Variants in GALNTL6 observed in about 807,000 individuals in gnomAD.
The protein encoded by GALNTL6 is polypeptide N-acetylgalactosaminyltransferase-like 6.
Under a neutral mutation model 73.7 loss-of-function variants are expected in GALNTL6, and 46 were observed. The observed-to-expected ratio is 0.62, with a 90% confidence interval of 0.49 to 0.80. GALNTL6 has a LOEUF of 0.80. GALNTL6 is among the 30% of genes least tolerant of loss of function. The probability of loss-of-function intolerance (pLI) is 0.00; values close to 1 mark genes in which losing one functional copy is unlikely to be tolerated. For synonymous variants in GALNTL6, 259 were observed against 263.7 expected (o/e 0.98, Z 0.17); for missense variants, 604 against 755.0 (o/e 0.80, Z 2.34).
chr4:171,965,419 A>G (rs4692908), intron 2 of GALNTL6, among the ~76,000 whole-genome samples: 65,271 of 151,868 alleles, frequency 0.43, 16,798 homozygotes, highest in Non-Finnish European at 0.57. Context: ...CACTTTGGGA[A>G]ACCGAGGCGG....
chr4:172,581,025 G>A (rs574890876), intron 5 of GALNTL6, among the ~76,000 whole-genome samples: 1 of 152,186 alleles, frequency 6.6e-6, no homozygotes, highest in South Asian at 2.1e-4. Context: ...GCCTCCCAAA[G>A]TGCTGGGATT....
At chr4:172,430,116 C>T (rs747141766) in intron 5 of GALNTL6, among the ~76,000 whole-genome samples, 41 of 150,918 alleles carry the variant, frequency 2.7e-4, no homozygotes, top group African/African-American at 3.9e-4. Flanking sequence ...TGAAGTGAAA[C>T]GGAGAGAAAA....
intron 5 of GALNTL6, among the ~76,000 whole-genome samples, chr4:172,723,916 TG>T (rs1735644524): frequency 2.6e-5 from 4 of 152,274 alleles, no homozygotes; most frequent in Non-Finnish European, 4.4e-5. Context: ...TTCACTGATA[TG>T]ATATATCAGT....
chr4:173,006,989 G>A (rs548004829), intron 10 of GALNTL6, among the ~76,000 whole-genome samples: 15 of 152,258 alleles, frequency 9.9e-5, no homozygotes, highest in African/African-American at 3.1e-4. Flanking sequence ...CCCAGCAGTA[G>A]CAGATGAAGC....
chr4:172,663,911 C>A (rs1393538817), intron 5 of GALNTL6, among the ~76,000 whole-genome samples: 11 of 141,342 alleles, frequency 7.8e-5, no homozygotes, highest in African/African-American at 2.9e-4. Context: ...GCCTGGGTGA[C>A]AAAGTGAGAC....
chr4:172,318,448 A>G (rs1740640632), intron 4 of GALNTL6, among the ~76,000 whole-genome samples: 1 of 152,168 alleles, frequency 6.6e-6, no homozygotes, highest in Admixed American at 6.5e-5. Flanking sequence ...CATGCCTGTA[A>G]TCCCAGGACT....
At chr4:171,964,829 C>G (rs1338003017) in intron 2 of GALNTL6, among the ~76,000 whole-genome samples, 3 of 152,140 alleles carry the variant, frequency 2.0e-5, no homozygotes, top group African/African-American at 7.2e-5. Flanking sequence ...CTTCCTTGCC[C>G]AACACCATTC....
At chr4:171,834,926 A>C (rs575024267) in intron 2 of GALNTL6, among the ~76,000 whole-genome samples, 1 of 151,998 alleles carries the variant, frequency 6.6e-6, no homozygotes, top group Admixed American at 6.6e-5. Flanking sequence ...AGAACCTTGT[A>C]GAGATAACAT....
At chr4:171,982,541 G>A (rs1739935871) in intron 2 of GALNTL6, among the ~76,000 whole-genome samples, 1 of 151,744 alleles carries the variant, frequency 6.6e-6, no homozygotes, top group Admixed American at 6.6e-5. Flanking sequence ...CTCGTGATTC[G>A]CCCGCCTCAG....
chr4:172,913,411 G>A (rs945069851), intron 8 of GALNTL6, among the ~76,000 whole-genome samples: 3 of 152,216 alleles, frequency 2.0e-5, no homozygotes, highest in African/African-American at 7.2e-5. Context: ...GACAGAAGTA[G>A]GCTTCAGAAG....
intron 5 of GALNTL6, among the ~76,000 whole-genome samples, chr4:172,582,282 T>C (rs1260003528): frequency 1.3e-5 from 2 of 152,246 alleles, no homozygotes; most frequent in Admixed American, 6.5e-5. Context: ...TTAATAACTA[T>C]GTGGCCTTGG....
intron 2 of GALNTL6, among the ~76,000 whole-genome samples, chr4:171,840,413 C>T (rs1735208486): frequency 6.7e-6 from 1 of 149,416 alleles, no homozygotes; most frequent in South Asian, 2.1e-4. Flanking sequence ...ACTTGTGTTA[C>T]TCGGAATCCC....
rs113539572 is a variant in GALNTL6, at chr4:172,302,072, G to A, written c.248-9542G>A. Among the ~76,000 whole-genome samples the A allele has an allele frequency of 6.6e-3, 998 of 152,316 alleles. 10 individuals are homozygous for A. Among genetic ancestry groups the A allele is most frequent in the African/African-American group, 0.018 (729 of 41,564 alleles). ...CCTACTCAAGGCTCAGCAATGGCGG[G>A]CACCCCTTCCCCAGCCTCGCTGCTG... On this transcript the variant is annotated intron_variant, in intron 3 of 12. Transcript: ENST00000506823.
chr4:172,866,746 C>A (rs769647232), intron 7 of GALNTL6, among the ~76,000 whole-genome samples: 5 of 152,172 alleles, frequency 3.3e-5, no homozygotes, highest in Non-Finnish European at 5.9e-5. Context: ...GTCTGAATTG[C>A]CCTGCCTTTT....
At chr4:172,372,300 G>A (rs957924998) in intron 5 of GALNTL6, among the ~76,000 whole-genome samples, 1 of 152,144 alleles carries the variant, frequency 6.6e-6, no homozygotes, top group African/African-American at 2.4e-5. Flanking sequence ...TGGCAGGGTT[G>A]AGGGCCACGC....
chr4:172,398,208 T>C (rs1386627492), intron 5 of GALNTL6, among the ~76,000 whole-genome samples: 1 of 152,160 alleles, frequency 6.6e-6, no homozygotes, highest in African/African-American at 2.4e-5. Flanking sequence ...TATTCTTAAA[T>C]TATGATAATG....
intron 4 of GALNTL6, among the ~76,000 whole-genome samples, chr4:172,336,557 G>A (rs569834297): frequency 2.0e-5 from 3 of 151,590 alleles, no homozygotes; most frequent in Non-Finnish European, 4.4e-5. Flanking sequence ...TTACAGACAT[G>A]AGCCACCATG....
intron 2 of GALNTL6, among the ~76,000 whole-genome samples, chr4:171,963,558 G>A (rs72993040): frequency 0.054 from 8,186 of 152,120 alleles, 602 homozygotes; most frequent in African/African-American, 0.16. Context: ...TTTAACTATA[G>A]GGTAATGTCA....
chr4:172,292,694 T>C (rs1262305798), intron 3 of GALNTL6, among the ~76,000 whole-genome samples: 1 of 152,134 alleles, frequency 6.6e-6, no homozygotes, highest in African/African-American at 2.4e-5. Context: ...TAGAAAATGT[T>C]GGTATAAAGA....
Sources: gnomAD v4.1 joint callset for allele counts (sites outside exome capture counted in the v4.1 genomes callset) on GRCh38, gnomAD v4.1.1 for gene constraint, MANE v1.5 for transcripts, NCBI Gene and HGNC (gene_info 2026-07-23, HGNC 2026-07-21) for gene names.